GRM8: variants seen among roughly 807,000 people sequenced by gnomAD.
GRM8 encodes metabotropic glutamate receptor 8.
GRM8 carries 47 observed loss-of-function variants against 87.2 expected under a neutral mutation model. That is an observed-to-expected ratio of 0.54 (90% confidence interval 0.43 to 0.69). The LOEUF is 0.69. Among genes scored for constraint, GRM8 ranks in the 30% least tolerant of loss-of-function variants. GRM8 has a pLI of 0.00. For missense variants in GRM8, 1,019 were observed against 1,139.2 expected (o/e 0.89, Z 1.52); for synonymous variants, 396 against 404.5 (o/e 0.98, Z 0.25).
At position 126,827,423 on chromosome 7, in the gene GRM8, C is replaced by G. The variant is rs533315453; in HGVS notation, c.1157-57358G>C. Reference sequence around the variant, plus strand: ...GGTTTGTAGTTCTCCTTGAAGAGGTCCTTCACGTCCCTTGTAAATTGGATT... The same window carrying G: ...GGTTTGTAGTTCTCCTTGAAGAGGTGCTTCACGTCCCTTGTAAATTGGATT... On this transcript the variant is annotated intron_variant, in intron 6 of 10. Transcript: ENST00000339582. 3.3e-4 allele frequency among the ~76,000 whole-genome samples: 51 copies of G among 152,294 alleles called. 1 individual carries two copies. In the East Asian group the frequency reaches 9.3e-3, roughly 28 times the overall value.
At chr7:126,790,034 T>C (rs1037554601) in intron 6 of GRM8, among the ~76,000 whole-genome samples, 9 of 151,094 alleles carry the variant, frequency 6.0e-5, no homozygotes, top group Admixed American at 5.3e-4. Context: ...TTGGACAGAG[T>C]TTCGCTCTTG....
At chr7:126,527,056 G>A (rs1813960406) in intron 9 of GRM8, among the ~76,000 whole-genome samples, 1 of 152,154 alleles carries the variant, frequency 6.6e-6, no homozygotes, top group African/African-American at 2.4e-5. Flanking sequence ...AACTGACAAG[G>A]AAAGAAAATG....
At chr7:126,801,078 C>T (rs908549757) in intron 6 of GRM8, among the ~76,000 whole-genome samples, 4 of 151,960 alleles carry the variant, frequency 2.6e-5, no homozygotes, top group Admixed American at 1.3e-4. Flanking sequence ...AGAGGAAACA[C>T]AATCAACCAA....
At chr7:127,001,733 A>G (rs1410319040) in intron 3 of GRM8, among the ~76,000 whole-genome samples, 1 of 151,606 alleles carries the variant, frequency 6.6e-6, no homozygotes, top group Non-Finnish European at 1.5e-5. Context: ...ACCCTGCCAC[A>G]ATAACCATAT....
At chr7:126,829,698 T>A (rs1795169082) in intron 6 of GRM8, among the ~76,000 whole-genome samples, 1 of 152,212 alleles carries the variant, frequency 6.6e-6, no homozygotes, top group African/African-American at 2.4e-5. Flanking sequence ...TTTAGTCCAG[T>A]TACATTTAAA....
At chr7:127,127,700 T>TGACTGTGA (rs1240200529) in intron 2 of GRM8, among the ~76,000 whole-genome samples, 1 of 152,058 alleles carries the variant, frequency 6.6e-6, no homozygotes, top group Admixed American at 6.6e-5. Context: ...ATCTTGATTG[T>TGACTGTGA]GACTGTGATA....
intron 7 of GRM8, among the ~76,000 whole-genome samples, chr7:126,676,777 G>T (rs988797674): frequency 1.3e-5 from 2 of 152,098 alleles, no homozygotes; most frequent in East Asian, 3.8e-4. Context: ...GCCTCTAGAA[G>T]AAAACCTAAG....
chr7:127,101,926 T>G (rs61759542), intron 3 of GRM8, among the ~76,000 whole-genome samples: 14,405 of 152,186 alleles, frequency 0.095, 962 homozygotes, highest in Middle Eastern at 0.17. Flanking sequence ...TTCACCAAAA[T>G]GTTAATAGTG....
At chr7:127,163,262 C>T (rs565215404) in intron 2 of GRM8, among the ~76,000 whole-genome samples, 1 of 152,264 alleles carries the variant, frequency 6.6e-6, no homozygotes, top group South Asian at 2.1e-4. Context: ...ACAGCCTGCC[C>T]TTCTCTCTGG....
intron 6 of GRM8, among the ~76,000 whole-genome samples, chr7:126,872,997 G>A (rs1019571859): frequency 1.3e-5 from 2 of 151,956 alleles, no homozygotes; most frequent in African/African-American, 4.8e-5. Context: ...TTAATAAAAA[G>A]AATTTAGCAA....
At chr7:127,196,314 T>C (rs1166157847) in intron 2 of GRM8, among the ~76,000 whole-genome samples, 1 of 151,378 alleles carries the variant, frequency 6.6e-6, no homozygotes, top group African/African-American at 2.4e-5. Flanking sequence ...AGGTCAGGAG[T>C]TCAAGACCAG....
chr7:126,751,976 G>A (rs1563152371), intron 7 of GRM8, among the ~76,000 whole-genome samples: 1 of 152,104 alleles, frequency 6.6e-6, no homozygotes, highest in African/African-American at 2.4e-5. Context: ...TTGCTCACTT[G>A]TTTTTAGCCA....
Position 126,595,350 on chromosome 7 carries a change from C to G in GRM8, c.1494+14012G>C, listed in dbSNP as rs1797061199. On this transcript the variant is annotated intron_variant, in intron 8 of 10. Transcript: ENST00000339582. Reference sequence around the variant, plus strand: ...CAGTAGCTGGGACTACAGGCACACACCACCACCCCAGCTAATTCTGGTATT... The same window carrying G: ...CAGTAGCTGGGACTACAGGCACACAGCACCACCCCAGCTAATTCTGGTATT... Among the ~76,000 whole-genome samples, 7 of 151,304 alleles carry G rather than the reference C, an allele frequency of 4.6e-5. No homozygotes were observed. The South Asian group carries it at 1.5e-3, about 32-fold the overall frequency.
chr7:126,489,598 A>T (rs1159613219), intron 9 of GRM8, among the ~76,000 whole-genome samples: 1 of 152,092 alleles, frequency 6.6e-6, no homozygotes, highest in Non-Finnish European at 1.5e-5. Context: ...AGGATACCAC[A>T]AAGAAAGATC....
intron 7 of GRM8, among the ~76,000 whole-genome samples, chr7:126,760,488 A>G (rs1326886288): frequency 6.6e-6 from 1 of 152,194 alleles, no homozygotes; most frequent in African/African-American, 2.4e-5. Context: ...AGGTAGAATT[A>G]CAGTGCTAAA....
chr7:126,651,982 G>A (rs1318829915), intron 7 of GRM8, among the ~76,000 whole-genome samples: 1 of 152,214 alleles, frequency 6.6e-6, no homozygotes, highest in East Asian at 1.9e-4. Context: ...TGAAGGCAAA[G>A]GGAATACAGA....
chr7:126,493,252 T>C (rs972797029), intron 9 of GRM8, among the ~76,000 whole-genome samples: 2 of 152,006 alleles, frequency 1.3e-5, no homozygotes, highest in African/African-American at 4.8e-5. Context: ...TGTTACAAAA[T>C]GCAACAGCAG....
At chr7:126,894,650 A>G (rs1166615052) in intron 6 of GRM8, among the ~76,000 whole-genome samples, 2 of 152,076 alleles carry the variant, frequency 1.3e-5, no homozygotes, top group African/African-American at 4.8e-5. Context: ...ACAAAGAGGG[A>G]ATACTTCACC....
intron 4 of GRM8, 102 bp downstream of exon 4, chr7:126,904,446 T>C (rs1167577050): frequency 2.1e-5 from 24 of 1,140,998 alleles, no homozygotes; most frequent in Non-Finnish European, 2.9e-5. Context: ...CAGTCTGTTA[T>C]TGGAAGGCAA....
Sources: gnomAD v4.1 joint callset for allele counts (sites outside exome capture counted in the v4.1 genomes callset) on GRCh38, gnomAD v4.1.1 for gene constraint, MANE v1.5 for transcripts, NCBI Gene and HGNC (gene_info 2026-07-23, HGNC 2026-07-21) for gene names.